KIF16B: variants seen among roughly 807,000 people sequenced by gnomAD.
The protein encoded by KIF16B is kinesin-like protein KIF16B.
A neutral mutation model predicts 156.3 loss-of-function variants in KIF16B; 98 were observed. That is an observed-to-expected ratio of 0.63 (90% confidence interval 0.53 to 0.74). The LOEUF (loss-of-function observed/expected upper bound fraction) is 0.74. Among genes scored for constraint, KIF16B ranks in the 30% least tolerant of loss-of-function variants. The pLI is 0.00. For missense variants in KIF16B, 1,421 were observed against 1,606.5 expected (o/e 0.88, Z 1.97); for synonymous variants, 564 against 583.7 (o/e 0.97, Z 0.49).
intron 15 of KIF16B, among the ~76,000 whole-genome samples, chr20:16,413,756 C>T (rs1270513485): frequency 1.3e-5 from 2 of 150,190 alleles, no homozygotes; most frequent in Admixed American, 6.7e-5. Flanking sequence ...CCAACACACA[C>T]ACATAGGATG....
intron 10 of KIF16B, among the ~76,000 whole-genome samples, chr20:16,501,966 A>T (rs187014475): frequency 2.0e-4 from 30 of 152,156 alleles, no homozygotes; most frequent in African/African-American, 7.0e-4. Context: ...AACTCACTGA[A>T]CTATACACAT....
intron 22 of KIF16B, among the ~76,000 whole-genome samples, chr20:16,370,049 T>TA (rs1341986154): frequency 1.3e-5 from 2 of 152,180 alleles, no homozygotes; most frequent in Non-Finnish European, 2.9e-5. Flanking sequence ...TTCCATCACC[T>TA]ACTATTTTTT....
At position 16,469,254 on chromosome 20, in the gene KIF16B, T is replaced by TAAAAAAAAAAAAAAA. The variant is rs57114751; in HGVS notation, c.1302+25022_1302+25036dup. Among the ~76,000 whole-genome samples, 33 of 66,074 alleles carry TAAAAAAAAAAAAAAA rather than the reference T, an allele frequency of 5.0e-4. 2 individuals carry two copies. Among genetic ancestry groups the TAAAAAAAAAAAAAAA allele is most frequent in the Non-Finnish European group, 7.1e-4 (24 of 33,742 alleles). 43.3% of individuals were successfully genotyped at this position (66,074 alleles called of 152,430 possible). On this transcript the variant is annotated intron_variant, in intron 12 of 25. Transcript: ENST00000354981. ...GGTGACAGAGCAGGACCCTGTGTCT[T>TAAAAAAAAAAAAAAA]AAAAAAAAAAAAAAAAAAAAAAAAA... is the stretch of plus-strand genomic sequence containing the variant.
At chr20:16,480,922 C>A (rs981762445) in intron 12 of KIF16B, among the ~76,000 whole-genome samples, 1 of 152,128 alleles carries the variant, frequency 6.6e-6, no homozygotes. Flanking sequence ...TATGAGTGTA[C>A]AACTTGGGGG....
chr20:16,428,874 G>A (rs1049650208), intron 14 of KIF16B, 79 bp downstream of exon 14: 2 of 1,129,740 alleles, frequency 1.8e-6, no homozygotes, highest in African/African-American at 1.5e-5. Context: ...TTACTTCAAT[G>A]TCAGTCATTC....
chr20:16,564,622 C>A (rs2071185772), intron 1 of KIF16B, among the ~76,000 whole-genome samples: 1 of 151,456 alleles, frequency 6.6e-6, no homozygotes, highest in Admixed American at 6.6e-5. Flanking sequence ...ATGTAACTAA[C>A]CTGCACGTTG....
chr20:16,513,509 AG>A (rs2069028213), intron 4 of KIF16B, among the ~76,000 whole-genome samples: 1 of 152,028 alleles, frequency 6.6e-6, no homozygotes, highest in Admixed American at 6.5e-5. Flanking sequence ...AAACCCAAAA[AG>A]TTAGCTGAGT....
rs916451181 is a variant in KIF16B, at chr20:16,452,773, T to C, written c.1303-22791A>G. The stretch of plus-strand genomic sequence containing the variant: ...TGGCATGAACCTGGGAGGCGAAGCT[T>C]GCAGTGAGCCGAGATCGCGCCACTG... On this transcript the variant is annotated intron_variant, in intron 12 of 25. Coordinates refer to ENST00000354981, the MANE Select transcript of KIF16B (RefSeq NM_024704.5). 2.0e-5 allele frequency among the ~76,000 whole-genome samples: 3 copies of C among 150,504 alleles called. No individual in the cohort carries two copies. In the East Asian group the frequency reaches 5.9e-4, roughly 30 times the overall value.
chr20:16,459,423 A>G (rs1398627322), intron 12 of KIF16B, among the ~76,000 whole-genome samples: 1 of 152,170 alleles, frequency 6.6e-6, no homozygotes, highest in African/African-American at 2.4e-5. Context: ...TCTCAAATGT[A>G]ATTATATTCA....
chr20:16,554,375 T>C (rs2070771745), intron 1 of KIF16B, among the ~76,000 whole-genome samples: 1 of 151,810 alleles, frequency 6.6e-6, no homozygotes, highest in African/African-American at 2.4e-5. Flanking sequence ...GAGCTGAACA[T>C]TCAACAGATG....
At chr20:16,541,220 C>T (rs1207520675) in intron 1 of KIF16B, among the ~76,000 whole-genome samples, 1 of 152,212 alleles carries the variant, frequency 6.6e-6, no homozygotes, top group African/African-American at 2.4e-5. Context: ...TGAAAGCCTC[C>T]ATCTCAAGTT....
At chr20:16,391,269 G>A (rs950057266) in intron 17 of KIF16B, among the ~76,000 whole-genome samples, 5 of 152,084 alleles carry the variant, frequency 3.3e-5, no homozygotes, top group African/African-American at 1.2e-4. Context: ...ACACACTCTC[G>A]AGGGCACCTT....
intron 17 of KIF16B, among the ~76,000 whole-genome samples, chr20:16,390,695 A>G (rs549456474): frequency 1.3e-5 from 2 of 152,308 alleles, no homozygotes; most frequent in East Asian, 3.9e-4. Flanking sequence ...GGAGCCTCTC[A>G]AAAGTTAAAA....
At chr20:16,403,338 A>T (rs2146253978) in intron 17 of KIF16B, among the ~76,000 whole-genome samples, 1 of 152,382 alleles carries the variant, frequency 6.6e-6, no homozygotes, top group Non-Finnish European at 1.5e-5. Context: ...TCACAATAAA[A>T]GGCAACTGCT....
At chr20:16,536,342 G>A (rs1312219288) in intron 1 of KIF16B, among the ~76,000 whole-genome samples, 1 of 152,080 alleles carries the variant, frequency 6.6e-6, no homozygotes, top group African/African-American at 2.4e-5. Context: ...TGGAATGGGT[G>A]TACGGGGGTG....
chr20:16,522,834 G>T (rs926562552), intron 3 of KIF16B, among the ~76,000 whole-genome samples: 4 of 152,124 alleles, frequency 2.6e-5, no homozygotes, highest in Non-Finnish European at 5.9e-5. Flanking sequence ...AAACCACACT[G>T]CAATCAAATT....
chr20:16,436,380 T>TGGGAAGGGGTCCTCTTCCCAGGGGGA (rs2146491690), intron 12 of KIF16B, among the ~76,000 whole-genome samples: 1 of 152,220 alleles, frequency 6.6e-6, no homozygotes, highest in South Asian at 2.1e-4. Flanking sequence ...CCCTAATGAT[T>TGGGAAGGGGTCCTCTTCCCAGGGGGA]GGGAAGGGGT....
intron 21 of KIF16B, 26 bp downstream of exon 21, chr20:16,371,639 C>A: frequency 7.4e-7 from 1 of 1,356,642 alleles, no homozygotes; most frequent in Non-Finnish European, 1.0e-6. Context: ...CTTGTTACTT[C>A]GTGTTACTTG....
At chr20:16,277,717 T>C (rs537940364) in intron 25 of KIF16B, among the ~76,000 whole-genome samples, 6 of 152,150 alleles carry the variant, frequency 3.9e-5, no homozygotes, top group African/African-American at 7.2e-5. Flanking sequence ...TAAAAGAGCA[T>C]TGCGAAAACT....
Sources: allele counts gnomAD v4.1 joint callset (sites outside exome capture counted in the v4.1 genomes callset), GRCh38; gene constraint gnomAD v4.1.1; transcripts MANE v1.5; gene names NCBI Gene and HGNC (gene_info 2026-07-23, HGNC 2026-07-21).